The following APP variants were observed in gnomAD, a reference collection of about 807,000 sequenced individuals.
The protein encoded by APP is amyloid beta precursor protein.
APP carries 31 observed loss-of-function variants against 101.4 expected under a neutral mutation model. The ratio of observed to expected loss-of-function variants is 0.31; its 90% CI spans 0.23 to 0.41. The LOEUF (loss-of-function observed/expected upper bound fraction) is 0.41, where lower values mean the gene tolerates loss of function less well. Ranked by LOEUF, APP falls within the 10% of genes least tolerant of loss-of-function variation. APP has a pLI of 1.00. For synonymous variants in APP, 366 were observed against 364.4 expected (o/e 1.00, Z -0.05); for missense variants, 839 against 1,003.7 (o/e 0.84, Z 2.22).
At chr21:26,114,329 G>T (rs1484798323) in intron 1 of APP, among the ~76,000 whole-genome samples, 1 of 152,132 alleles carries the variant, frequency 6.6e-6, no homozygotes, top group East Asian at 1.9e-4. Context: ...AATAGTCCCT[G>T]CCTCCTGCTA....
intron 1 of APP, among the ~76,000 whole-genome samples, chr21:26,120,715 T>A (rs974145572): frequency 2.0e-5 from 3 of 152,086 alleles, no homozygotes; most frequent in Non-Finnish European, 4.4e-5. Flanking sequence ...GCATAGTTTT[T>A]AAAAAAAATT....
At chr21:25,965,133 A>G (rs1460856780) in intron 11 of APP, among the ~76,000 whole-genome samples, 1 of 152,218 alleles carries the variant, frequency 6.6e-6, no homozygotes, top group Non-Finnish European at 1.5e-5. Context: ...AAGGACAGAA[A>G]ATGTTTGGAC....
chr21:26,154,666 A>G (rs781144235), intron 1 of APP, among the ~76,000 whole-genome samples: 1 of 152,206 alleles, frequency 6.6e-6, no homozygotes, highest in Non-Finnish European at 1.5e-5. Context: ...GAAGCAGAAA[A>G]AGTGATGAAG....
intron 7 of APP, among the ~76,000 whole-genome samples, chr21:25,999,067 G>A (rs2146673979): frequency 6.6e-6 from 1 of 152,318 alleles, no homozygotes; most frequent in East Asian, 1.9e-4. Flanking sequence ...AAGGCAGGTG[G>A]ATCACTTGAG....
At chr21:26,161,313 T>G (rs1396831968) in intron 1 of APP, among the ~76,000 whole-genome samples, 57 of 152,240 alleles carry the variant, frequency 3.7e-4, no homozygotes. Context: ...TTATCTAAGT[T>G]TACCTTCACA....
chr21:25,997,036 C>A (rs923775937), intron 8 of APP, among the ~76,000 whole-genome samples: 7 of 152,180 alleles, frequency 4.6e-5, no homozygotes, highest in Non-Finnish European at 1.0e-4. Context: ...CTCAGTTACA[C>A]TGATAGCTTT....
Position 26,023,635 on chromosome 21 carries a change from C to T in APP, c.663-1593G>A, listed in dbSNP as rs149341339. Among the ~76,000 whole-genome samples the T allele has an allele frequency of 4.8e-3, 728 of 152,236 alleles. 5 individuals are homozygous for T. The highest frequency in any genetic ancestry group is 0.017 in the African/African-American group (700 of 41,502). On this transcript the variant is annotated intron_variant, in intron 5 of 17. Transcript: ENST00000346798. Reference sequence around the variant, plus strand: ...GGAGGATTGCTTGAGCCCAGGAGTTCGAGGCTGCTGTGAGCTATGACTGCA... The same window carrying T: ...GGAGGATTGCTTGAGCCCAGGAGTTTGAGGCTGCTGTGAGCTATGACTGCA...
At chr21:26,058,586 C>T (rs2046134862) in intron 3 of APP, among the ~76,000 whole-genome samples, 1 of 152,186 alleles carries the variant, frequency 6.6e-6, no homozygotes, top group African/African-American at 2.4e-5. Context: ...ACTAAAACCA[C>T]AGTAACTTCC....
At chr21:26,164,810 C>T (rs570188713) in intron 1 of APP, among the ~76,000 whole-genome samples, 42 of 148,638 alleles carry the variant, frequency 2.8e-4, no homozygotes, top group African/African-American at 9.4e-4. Flanking sequence ...GAGCCGAGAT[C>T]GCGCCACTGC....
At chr21:25,929,703 G>T (rs184623662) in intron 13 of APP, among the ~76,000 whole-genome samples, 12 of 152,204 alleles carry the variant, frequency 7.9e-5, no homozygotes, top group Middle Eastern at 3.4e-3. Flanking sequence ...TTTTAAAACT[G>T]CCAATGCTTT....
At chr21:25,990,218 G>A (rs1282501322) in intron 8 of APP, among the ~76,000 whole-genome samples, 1 of 152,170 alleles carries the variant, frequency 6.6e-6, no homozygotes, top group Admixed American at 6.5e-5. Context: ...TGGACATAAG[G>A]TAATAAAAAT....
At chr21:26,106,588 C>A (rs188818541) in intron 2 of APP, among the ~76,000 whole-genome samples, 1 of 151,524 alleles carries the variant, frequency 6.6e-6, no homozygotes, top group Non-Finnish European at 1.5e-5. Context: ...TGGGCCCAAG[C>A]GATCCTCTCA....
chr21:25,911,856 G>A lies in APP; in HGVS notation c.1794C>T (p.Thr598=), dbSNP rs201817181. Residue 598 remains threonine (T), a synonymous_variant, in exon 14 of 18, where the codon ACC becomes ACT. Transcript: ENST00000346798. Reference sequence around the variant, plus strand: ...GGAGCTCCACGGTGGTTTTCGTTTCGGTCAAAGATGGCATGAGAGCATCGT... The same window carrying A: ...GGAGCTCCACGGTGGTTTTCGTTTCAGTCAAAGATGGCATGAGAGCATCGT... ...YGNDALMPSL[T]ETKTTVELLP... 518 of 1,613,940 alleles carry A rather than the reference G, an allele frequency of 3.2e-4. No homozygotes were observed. The highest frequency in any genetic ancestry group is 4.0e-4 in the Non-Finnish European group (471 of 1,180,020).
intron 5 of APP, among the ~76,000 whole-genome samples, chr21:26,024,278 A>G (rs1432947780): frequency 6.6e-6 from 1 of 152,082 alleles, no homozygotes; most frequent in Non-Finnish European, 1.5e-5. Flanking sequence ...TAGAATTAAA[A>G]GCTGCTATGC....
At chr21:26,043,283 T>A (rs973643440) in intron 5 of APP, among the ~76,000 whole-genome samples, 2 of 152,150 alleles carry the variant, frequency 1.3e-5, no homozygotes, top group African/African-American at 4.8e-5. Context: ...TTGCCCAGGC[T>A]GAAGTGCAGT....
chr21:26,076,790 G>A (rs1431543079), intron 3 of APP, among the ~76,000 whole-genome samples: 2 of 152,130 alleles, frequency 1.3e-5, no homozygotes, highest in Non-Finnish European at 2.9e-5. Context: ...TAGGCTGGGC[G>A]CAGTGGCTCA....
intron 6 of APP, among the ~76,000 whole-genome samples, chr21:26,019,997 G>C (rs1215228255): frequency 6.6e-6 from 1 of 152,236 alleles, no homozygotes; most frequent in African/African-American, 2.4e-5. Flanking sequence ...CTGTCATTAA[G>C]TAGGGAATGA....
At position 26,011,903 on chromosome 21, in the gene APP, T is replaced by A. The variant is rs549666751; in HGVS notation, c.865+9937A>T. Reference sequence around the variant, plus strand: ...AGAAATTATACCCAATAAGAACATATATAAATTTAAGAAAGAGGCAACCCT... The same window carrying A: ...AGAAATTATACCCAATAAGAACATAAATAAATTTAAGAAAGAGGCAACCCT... On this transcript the variant is annotated intron_variant, in intron 6 of 17. Transcript: ENST00000346798. 1.6e-4 allele frequency among the ~76,000 whole-genome samples: 25 copies of A among 152,260 alleles called. No homozygotes were observed. In the South Asian group the frequency reaches 5.0e-3, roughly 30 times the overall value.
intron 1 of APP, among the ~76,000 whole-genome samples, chr21:26,134,340 G>A (rs1213571537): frequency 1.3e-5 from 2 of 152,180 alleles, no homozygotes; most frequent in Non-Finnish European, 2.9e-5. Context: ...TCAATCACAA[G>A]CCCCAGGTTG....
Sources: gnomAD v4.1 joint callset for allele counts (sites outside exome capture counted in the v4.1 genomes callset) on GRCh38, gnomAD v4.1.1 for gene constraint, MANE v1.5 for transcripts, NCBI Gene and HGNC (gene_info 2026-07-23, HGNC 2026-07-21) for gene names.